The following RCL1 variants were observed in gnomAD, a reference collection of about 807,000 sequenced individuals.
RCL1 encodes the protein RNA terminal phosphate cyclase like 1.
In RCL1, 24 loss-of-function variants were observed where a neutral mutation model predicts 42.4. The ratio of observed to expected loss-of-function variants is 0.57; its 90% CI spans 0.41 to 0.80. RCL1 has a LOEUF of 0.80. Among genes scored for constraint, RCL1 ranks in the 30% least tolerant of loss-of-function variants. The pLI, the probability that RCL1 is intolerant of heterozygous loss-of-function variation, is 0.00. For missense variants in RCL1, 578 were observed against 467.9 expected, an observed-to-expected ratio of 1.24 and a Z score of -2.17; for synonymous variants, 228 against 177.3, an observed-to-expected ratio of 1.29 and a Z score of -2.27.
chr9:4,798,621 C>T (rs1183184996), intron 1 of RCL1, among the ~76,000 whole-genome samples: 4 of 152,198 alleles, frequency 2.6e-5, no homozygotes, highest in Non-Finnish European at 5.9e-5. Flanking sequence ...TTTGGTAAAC[C>T]AGTGCATTGT....
At position 4,821,370 on chromosome 9, in the gene RCL1, CTCAG is replaced by C. The variant is rs544786972; in HGVS notation, c.137-2176_137-2173del. On this transcript the variant is annotated intron_variant, in intron 1 of 8. Coordinates refer to ENST00000381750, the MANE Select transcript of RCL1 (RefSeq NM_005772.5). The stretch of plus-strand genomic sequence containing the variant: ...GGCAGTCTGTTTGGCATTCTTGGGT[CTCAG>C]TGTCATTTGACTAGGGCAATCTAGT... Among the ~76,000 whole-genome samples the C allele has an allele frequency of 2.4e-3, 365 of 152,240 alleles. 2 individuals carry two copies. Among genetic ancestry groups the C allele is most frequent in the African/African-American group, 8.4e-3 (349 of 41,528 alleles).
intron 1 of RCL1, among the ~76,000 whole-genome samples, chr9:4,811,279 C>CA (rs748154842): frequency 0.031 from 2,016 of 65,604 alleles, 24 homozygotes; most frequent in Admixed American, 0.11. Flanking sequence ...TGTATCTTTG[C>CA]AAAAAAAAAA....
chr9:4,845,856 C>G (rs1289848403), intron 7 of RCL1, among the ~76,000 whole-genome samples: 1 of 152,188 alleles, frequency 6.6e-6, no homozygotes, highest in Non-Finnish European at 1.5e-5. Context: ...GAAGAGACTT[C>G]TTTCTTTGTA....
At chr9:4,819,146 G>C (rs961667524) in intron 1 of RCL1, among the ~76,000 whole-genome samples, 7 of 152,218 alleles carry the variant, frequency 4.6e-5, no homozygotes, top group African/African-American at 7.2e-5. Flanking sequence ...TTATAGAGCA[G>C]GGGTCCTCAA....
chr9:4,826,543 T>C (rs1587712641), intron 2 of RCL1, among the ~76,000 whole-genome samples: 2 of 152,192 alleles, frequency 1.3e-5, no homozygotes, highest in African/African-American at 4.8e-5. Context: ...TCTGAGAATG[T>C]GCTGTTGGGA....
chr9:4,845,635 G>A (rs983925586), intron 7 of RCL1, among the ~76,000 whole-genome samples: 2 of 152,278 alleles, frequency 1.3e-5, no homozygotes, highest in East Asian at 1.9e-4. Flanking sequence ...AGTCTGCACC[G>A]TCTTTTGCCT....
At chr9:4,819,856 A>G (rs528378994) in intron 1 of RCL1, among the ~76,000 whole-genome samples, 12 of 152,320 alleles carry the variant, frequency 7.9e-5, no homozygotes, top group Admixed American at 7.8e-4. Flanking sequence ...CCACTACTCA[A>G]TATATCCATG....
At chr9:4,799,273 C>G (rs778405414) in intron 1 of RCL1, among the ~76,000 whole-genome samples, 1 of 151,826 alleles carries the variant, frequency 6.6e-6, no homozygotes, top group African/African-American at 2.4e-5. Flanking sequence ...AGTGCCTGGC[C>G]GTAAGTGCTA....
chr9:4,856,546 A>T (rs1364500216), intron 8 of RCL1, among the ~76,000 whole-genome samples: 2 of 152,088 alleles, frequency 1.3e-5, no homozygotes, highest in Non-Finnish European at 2.9e-5. Context: ...ATTGCTGTTG[A>T]GGTACTTAAA....
Position 4,793,129 on chromosome 9 carries a change from G to A in RCL1, c.38G>A (p.Cys13Tyr). 1 of 1,611,930 alleles carries A rather than the reference G, an allele frequency of 6.2e-7. No individual in the cohort carries two copies. Among genetic ancestry groups the A allele is most frequent in the Non-Finnish European group, 8.5e-7 (1 of 1,179,196 alleles). ...TQAHSLSYAGCNFLRQRLVLS... is the reference protein window; with the variant it reads ...TQAHSLSYAGYNFLRQRLVLS... Reference sequence around the variant, plus strand: ...GCGCACTCCCTCAGCTACGCAGGGTGCAACTTCTTGCGCCAACGTCTGGTC... The same window carrying A: ...GCGCACTCCCTCAGCTACGCAGGGTACAACTTCTTGCGCCAACGTCTGGTC... Residue 13 changes from cysteine (C) to tyrosine (Y), a missense_variant, in exon 1 of 9, where the codon TGC (cysteine) becomes TAC (tyrosine). Physicochemically the swap from Cys to Tyr is radical, Grantham distance 194 (BLOSUM62 -2). Transcript: ENST00000381750.
Position 4,841,332 on chromosome 9 carries a change from C to G in RCL1, c.685C>G (p.His229Asp). ...FIPDIYIYTD[H>D]MKGVNSGKSP... is the part of the protein sequence containing the mutation. ...ACCTGATATCTATATTTACACAGAT[C>G]ACATGAAAGGAGTCAACTCTGGGAA... The change falls in exon 6 of 9, where the codon CAC (histidine) becomes GAC (aspartate). Residue 229 changes from histidine (H) to aspartate (D), a missense_variant. Physicochemically the swap from His to Asp is moderately conservative, Grantham distance 81. Coordinates refer to ENST00000381750, the MANE Select transcript of RCL1 (RefSeq NM_005772.5). 5.0e-6 allele frequency: 8 copies of G among 1,613,030 alleles called. No individual in the cohort carries two copies. Among genetic ancestry groups the G allele is most frequent in the Non-Finnish European group, 6.8e-6 (8 of 1,179,064 alleles).
chr9:4,833,300 G>A, intron 4 of RCL1, 72 bp downstream of exon 4: 1 of 1,087,990 alleles, frequency 9.2e-7, no homozygotes, highest in Non-Finnish European at 1.4e-6. Context: ...TGGAAGAGCT[G>A]TGTGACTCAG....
At chr9:4,843,208 CT>C (rs1232478137) in intron 6 of RCL1, among the ~76,000 whole-genome samples, 2 of 152,170 alleles carry the variant, frequency 1.3e-5, no homozygotes, top group African/African-American at 4.8e-5. Flanking sequence ...GTATTTCTCT[CT>C]TCTGATTCAG....
At chr9:4,838,541 G>C (rs1817211909) in intron 5 of RCL1, among the ~76,000 whole-genome samples, 1 of 152,126 alleles carries the variant, frequency 6.6e-6, no homozygotes, top group Non-Finnish European at 1.5e-5. Context: ...CTTGACTGTA[G>C]GAAAGGTACT....
intron 5 of RCL1, among the ~76,000 whole-genome samples, chr9:4,835,943 G>A (rs888071399): frequency 6.6e-6 from 1 of 152,162 alleles, no homozygotes; most frequent in South Asian, 2.1e-4. Context: ...ATACGGTAAG[G>A]GTGGCTCCAG....
At chr9:4,832,434 C>T (rs1816970666) in intron 3 of RCL1, among the ~76,000 whole-genome samples, 1 of 152,154 alleles carries the variant, frequency 6.6e-6, no homozygotes, top group Admixed American at 6.5e-5. Context: ...ATGCTACCGG[C>T]TCTAAACATT....
At chr9:4,809,236 C>T (rs960754406) in intron 1 of RCL1, among the ~76,000 whole-genome samples, 3 of 152,102 alleles carry the variant, frequency 2.0e-5, no homozygotes, top group Admixed American at 6.6e-5. Context: ...AGTTTTCTTA[C>T]ATATATCCTA....
intron 3 of RCL1, among the ~76,000 whole-genome samples, chr9:4,830,405 GA>G (rs1816907081): frequency 6.6e-6 from 1 of 152,182 alleles, no homozygotes; most frequent in Non-Finnish European, 1.5e-5. Context: ...GTCCAGAGGG[GA>G]TAAGGATTGA....
intron 1 of RCL1, among the ~76,000 whole-genome samples, chr9:4,806,767 G>C (rs1286035024): frequency 6.6e-6 from 1 of 152,020 alleles, no homozygotes; most frequent in African/African-American, 2.4e-5. Flanking sequence ...TATCAGGGTA[G>C]CGCTAGTTTA....
Sources: allele counts gnomAD v4.1 joint callset (sites outside exome capture counted in the v4.1 genomes callset), GRCh38; gene constraint gnomAD v4.1.1; transcripts MANE v1.5; gene names NCBI Gene and HGNC (gene_info 2026-07-23, HGNC 2026-07-21).